Variants in PRPF6 observed in about 807,000 individuals in gnomAD.
The protein encoded by PRPF6 is pre-mRNA-processing factor 6.
Under a neutral mutation model 118.3 loss-of-function variants are expected in PRPF6, and 42 were observed. That is an observed-to-expected ratio of 0.35 (90% CI 0.28 to 0.46). The LOEUF is 0.46. Among genes scored for constraint, PRPF6 ranks in the 20% least tolerant of loss-of-function variants. PRPF6 has a pLI of 1.00. For synonymous variants in PRPF6, 481 were observed against 485.1 expected (o/e 0.99, Z 0.11); for missense variants, 662 against 1,255.7 (o/e 0.53, Z 7.15).
intron 3 of PRPF6, among the ~76,000 whole-genome samples, chr20:63,986,569 A>G (rs952677019): frequency 1.4e-5 from 2 of 147,414 alleles, no homozygotes; most frequent in South Asian, 2.3e-4. Flanking sequence ...GCTCACTGCA[A>G]CCTCCACCTC....
chr20:64,010,307 A>T lies in PRPF6; in HGVS notation c.1294A>T (p.Thr432Ser), dbSNP rs1569219270. The change falls in exon 10 of 21, where the codon ACC becomes TCC. Residue 432 changes from threonine to serine, a missense_variant. Transcript: ENST00000266079. ...GAGCCGAGCTGTGGAGTGCTGCCCC[A>T]CCAGCGTGGAGGTGAGTCTGGCGGG... ...MLSRAVECCP[T>S]SVELWLALAR... 1 of 1,613,322 alleles carries T rather than the reference A, an allele frequency of 6.2e-7. No individual in the cohort carries two copies. Among genetic ancestry groups the T allele is most frequent in the Non-Finnish European group, 8.5e-7 (1 of 1,179,970 alleles).
At chr20:64,013,501 C>T (rs2059224337) in intron 11 of PRPF6, among the ~76,000 whole-genome samples, 2 of 152,050 alleles carry the variant, frequency 1.3e-5, no homozygotes, top group South Asian at 2.1e-4. Context: ...GGCCGGAGTG[C>T]AGTGGTGCAG....
rs76431816 is a variant in PRPF6 at position 64,004,530 on chromosome 20, G to A, written c.1186+3291G>A. On this transcript the variant is annotated intron_variant, in intron 9 of 20. Coordinates refer to ENST00000266079, the MANE Select transcript of PRPF6 (RefSeq NM_012469.4). Reference sequence around the variant, plus strand: ...CACCTGCCAGCCAGGGAGCCTGGCAGTGCATGGTCTCTGTGAGCTCTGGGT... The same window carrying A: ...CACCTGCCAGCCAGGGAGCCTGGCAATGCATGGTCTCTGTGAGCTCTGGGT... 4.5e-3 allele frequency among the ~76,000 whole-genome samples: 681 copies of A among 152,370 alleles called. 6 individuals are homozygous for A. The highest frequency in any genetic ancestry group is 0.016 in the African/African-American group (650 of 41,592).
In PRPF6 at chr20:64,027,163, G is replaced by C. The variant is rs190449971; in HGVS notation, c.2205+5G>C. ...CGGGAAGCCTATAACCAGGGGGTAC[G>C]TCTCTGCCTGCACCCTGGGGCTGCA... On this transcript the variant is annotated splice_donor_5th_base_variant and intron_variant, in intron 16 of 20. Transcript: ENST00000266079. The surrounding 1 kb of genome is among the most constrained non-coding windows in gnomAD (Gnocchi z 6.5). The C allele has an allele frequency of 1.8e-4, 295 of 1,612,832 alleles. No homozygotes were observed. In the African/African-American group the frequency reaches 3.6e-3, roughly 20 times the overall value.
chr20:63,986,783 C>T (rs188624375), intron 3 of PRPF6, among the ~76,000 whole-genome samples: 8 of 151,872 alleles, frequency 5.3e-5, no homozygotes, highest in East Asian at 3.9e-4. Context: ...CCACTGCGCC[C>T]GGCCTAATCA....
At chr20:63,984,769 G>A (rs143619371) in intron 2 of PRPF6, 138 bp from the exon 3 acceptor site, 7 of 677,942 alleles carry the variant, frequency 1.0e-5, no homozygotes. Context: ...CAGTTATATG[G>A]TAGACTGTCC....
At chr20:63,983,409 C>T (rs2059079740) in intron 2 of PRPF6, among the ~76,000 whole-genome samples, 194 bp downstream of exon 2, 1 of 151,650 alleles carries the variant, frequency 6.6e-6, no homozygotes, top group Admixed American at 6.6e-5. Context: ...TTTTGTCCCT[C>T]AGAAGAGATG....
At chr20:64,005,609 G>A (rs1388028371) in intron 9 of PRPF6, among the ~76,000 whole-genome samples, 2 of 151,942 alleles carry the variant, frequency 1.3e-5, no homozygotes, top group East Asian at 1.9e-4. Context: ...ACAGAGCCTC[G>A]TCCTATTGCC....
chr20:64,025,943 A>T lies in PRPF6; in HGVS notation c.1913A>T (p.Asn638Ile), dbSNP rs756373021. The change falls in exon 15 of 21, where the codon AAC becomes ATC. Residue 638 changes from asparagine to isoleucine, a missense_variant. Physicochemically the swap from Asn to Ile is moderately radical, Grantham distance 149. Transcript: ENST00000266079. ...RSILALAFQA[N>I]PNSEEIWLAA... ...GCTGCTGTACTTGCCCTTCAGGCCA[A>T]CCCCAACAGTGAGGAGATCTGGCTG... 1 of 1,613,594 alleles carries T rather than the reference A, an allele frequency of 6.2e-7. No homozygotes were observed. The highest frequency in any genetic ancestry group is 8.5e-7 in the Non-Finnish European group (1 of 1,180,020).
rs761493592 is a variant in PRPF6 at position 63,995,364 on chromosome 20, T to G, written c.653T>G (p.Leu218Arg). 6.2e-7 allele frequency: 1 copy of G among 1,613,908 alleles called. No individual in the cohort carries two copies. The highest frequency in any genetic ancestry group is 8.5e-7 in the Non-Finnish European group (1 of 1,179,942). Residue 218 changes from leucine (L) to arginine (R), a missense_variant, in exon 6 of 21, where the codon CTA (leucine) becomes CGA (arginine). Physicochemically the swap from Leu to Arg is moderately radical, Grantham distance 102. Coordinates refer to ENST00000266079, the MANE Select transcript of PRPF6 (RefSeq NM_012469.4). ...CTTAACACACCCTATCCAGGTGGAC[T>G]AAACACTCCATACCCAGGTGGAATG... ...GGLNTPYPGG[L>R]NTPYPGGMTP... is the part of the protein sequence containing the mutation.
At chr20:64,003,191 CT>C (rs2059175434) in intron 9 of PRPF6, among the ~76,000 whole-genome samples, 2 of 152,330 alleles carry the variant, frequency 1.3e-5, no homozygotes, top group Non-Finnish European at 2.9e-5. Context: ...ATCCTCCTGC[CT>C]TGATCTCCCA....
rs1021261165 is a variant in PRPF6 at position 64,028,374 on chromosome 20, C to A, written c.2340-104C>A. 2 of 1,182,890 alleles carry A rather than the reference C, an allele frequency of 1.7e-6. No individual in the cohort carries two copies. The highest frequency in any genetic ancestry group is 2.5e-6 in the Non-Finnish European group (2 of 795,468). The allele number at this position is 1,182,890 out of a possible 1,614,324, so 73.3% of individuals were successfully genotyped here. On this transcript the variant is annotated intron_variant, in intron 17 of 20. Coordinates refer to ENST00000266079, the MANE Select transcript of PRPF6 (RefSeq NM_012469.4). This position sits in a 1 kb window ranked among gnomAD's most constrained non-coding sequence, Gnocchi z 6.5. ...TGTGGAGGGAATGGAGTTTTTGCTG[C>A]TGTGACTGGGTGGAGAGCCCTTTCA...
At chr20:64,009,205 C>T (rs188264388) in intron 9 of PRPF6, among the ~76,000 whole-genome samples, 23 of 139,970 alleles carry the variant, frequency 1.6e-4, no homozygotes, top group African/African-American at 2.7e-4. Flanking sequence ...CGCTTGAACC[C>T]GGGTGGCAGA....
At chr20:64,003,159 C>T (rs2059175327) in intron 9 of PRPF6, among the ~76,000 whole-genome samples, 1 of 152,124 alleles carries the variant, frequency 6.6e-6, no homozygotes, top group Non-Finnish European at 1.5e-5. Flanking sequence ...CCAAGCTTGT[C>T]TCAAACTCCC....
intron 9 of PRPF6, among the ~76,000 whole-genome samples, chr20:64,009,266 C>G (rs1161367071): frequency 8.8e-6 from 1 of 114,100 alleles, no homozygotes; most frequent in African/African-American, 3.6e-5. Context: ...GGCGACAGAG[C>G]GAGACTCCAT....
intron 20 of PRPF6, 75 bp downstream of exon 20, chr20:64,032,119 C>T: frequency 6.2e-7 from 1 of 1,607,126 alleles, no homozygotes; most frequent in African/African-American, 1.3e-5. Flanking sequence ...CCTGGGGGCT[C>T]TAGGAGGTGG....
At chr20:64,020,182 G>T (rs1418912024) in intron 12 of PRPF6, among the ~76,000 whole-genome samples, 1 of 152,164 alleles carries the variant, frequency 6.6e-6, no homozygotes, top group African/African-American at 2.4e-5. Context: ...TTGGGAGGCC[G>T]AGGTGGGTGG....
chr20:64,002,013 G>GTTT (rs2059168567), intron 9 of PRPF6, among the ~76,000 whole-genome samples: 3 of 65,244 alleles, frequency 4.6e-5, no homozygotes, highest in Non-Finnish European at 6.4e-5. Flanking sequence ...TTTTTTTTCT[G>GTTT]GTTTTTTTTT....
At chr20:63,998,163 C>T (rs1165322332) in intron 6 of PRPF6, among the ~76,000 whole-genome samples, 1 of 151,834 alleles carries the variant, frequency 6.6e-6, no homozygotes, top group Non-Finnish European at 1.5e-5. Context: ...GGCGTGATCT[C>T]GGCTCACTGC....
Sources: allele counts gnomAD v4.1 joint callset (sites outside exome capture counted in the v4.1 genomes callset), GRCh38; gene constraint gnomAD v4.1.1; non-coding constraint Gnocchi (gnomAD v3.1); transcripts MANE v1.5; gene names NCBI Gene and HGNC (gene_info 2026-07-23, HGNC 2026-07-21).